GPLD1: variants seen among roughly 807,000 people sequenced by gnomAD.
The protein encoded by GPLD1 is phosphatidylinositol-glycan-specific phospholipase D.
In GPLD1, 84 loss-of-function variants were observed where a neutral mutation model predicts 112.6. The ratio of observed to expected loss-of-function variants is 0.75; its 90% CI spans 0.63 to 0.89. The LOEUF (loss-of-function observed/expected upper bound fraction) is 0.89. Among genes scored for constraint, GPLD1 ranks in the 40% least tolerant of loss-of-function variants. GPLD1 has a pLI of 0.00. For missense variants in GPLD1, 1,044 were observed against 1,051.5 expected (o/e 0.99, Z 0.10); for synonymous variants, 386 against 403.8 (o/e 0.96, Z 0.53).
At chr6:24,431,260 A>C (rs1762396324) in intron 24 of GPLD1, among the ~76,000 whole-genome samples, 1 of 152,178 alleles carries the variant, frequency 6.6e-6, no homozygotes, top group Admixed American at 6.5e-5. Flanking sequence ...CCTGGTCCAC[A>C]GGAACCTGGT....
intron 1 of GPLD1, among the ~76,000 whole-genome samples, chr6:24,488,708 T>C (rs571533548): frequency 4.9e-4 from 74 of 152,366 alleles, no homozygotes; most frequent in African/African-American, 1.6e-3. Flanking sequence ...TCATGTTGTA[T>C]ATCTTAAATT....
At chr6:24,461,917 A>T (rs1763450735) in intron 11 of GPLD1, among the ~76,000 whole-genome samples, 1 of 152,170 alleles carries the variant, frequency 6.6e-6, no homozygotes, top group Non-Finnish European at 1.5e-5. Context: ...TATTTGTAAT[A>T]TTAATAACTT....
chr6:24,451,097 C>T (rs1371914591), intron 14 of GPLD1, among the ~76,000 whole-genome samples: 3 of 152,226 alleles, frequency 2.0e-5, no homozygotes, highest in South Asian at 2.1e-4. Flanking sequence ...AGCACAGCTA[C>T]GGAACATTCC....
chr6:24,449,988 C>T (rs1763028869), intron 14 of GPLD1, 89 bp from the exon 15 acceptor site: 1 of 843,704 alleles, frequency 1.2e-6, no homozygotes, highest in Non-Finnish European at 1.9e-6. Context: ...AGGCCTGGGA[C>T]AACCCCCGCC....
At chr6:24,458,524 C>CA (rs1554131651) in intron 12 of GPLD1, among the ~76,000 whole-genome samples, 2 of 152,172 alleles carry the variant, frequency 1.3e-5, no homozygotes, top group African/African-American at 2.4e-5. Flanking sequence ...CTCCCCGGTC[C>CA]GGACCAGCTA....
At chr6:24,461,545 T>C (rs1476167813) in intron 11 of GPLD1, among the ~76,000 whole-genome samples, 2 of 152,126 alleles carry the variant, frequency 1.3e-5, no homozygotes, top group East Asian at 1.9e-4. Context: ...GAGAGCTCTT[T>C]TGTGCCCAGG....
chr6:24,466,720 T>C lies in GPLD1; in HGVS notation c.781A>G (p.Ile261Val), dbSNP rs561867915. 3.7e-6 allele frequency: 6 copies of C among 1,612,740 alleles called. No homozygotes were observed. In the African/African-American group the frequency reaches 8.0e-5, roughly 21 times the overall value. ...LDDMAFWSTNIYHLTSFMLEN... is the reference protein window; with the variant it reads ...LDDMAFWSTNVYHLTSFMLEN... Reference sequence around the variant, plus strand: ...AACATGAAGCTTGTTAGATGGTAAATATTAGTGGACCAAAATGCCATATCA... The same window carrying C: ...AACATGAAGCTTGTTAGATGGTAAACATTAGTGGACCAAAATGCCATATCA... The change falls in exon 10 of 25, where the codon ATT becomes GTT. Residue 261 changes from isoleucine (I) to valine (V), a missense_variant. Coordinates refer to ENST00000230036, the MANE Select transcript of GPLD1 (RefSeq NM_001503.4).
rs1488928351 is a variant in GPLD1, at chr6:24,447,601, A to G, written c.1678+276T>C. ...AGCACCACTGAGATGCCTCCGGTGC[A>G]AAGCCTCCTCAGTGTTTCTGTTTTA... On this transcript the variant is annotated intron_variant, in intron 17 of 24. Transcript: ENST00000230036. Among the ~76,000 whole-genome samples, 3 of 152,202 alleles carry G rather than the reference A, an allele frequency of 2.0e-5. 1 individual carries two copies. Among genetic ancestry groups the G allele is most frequent in the Admixed American group, 2.0e-4 (3 of 15,280 alleles).
chr6:24,485,294 T>A (rs750452295), intron 2 of GPLD1, among the ~76,000 whole-genome samples: 3 of 152,166 alleles, frequency 2.0e-5, no homozygotes, highest in Non-Finnish European at 4.4e-5. Context: ...TCCCAGTGCT[T>A]TGGGAGGCCA....
intron 3 of GPLD1, among the ~76,000 whole-genome samples, chr6:24,478,032 ATACTT>A (rs1764080561): frequency 6.6e-6 from 1 of 152,244 alleles, no homozygotes; most frequent in South Asian, 2.1e-4. Flanking sequence ...TGCTAGGTAA[ATACTT>A]TACATTCCTT....
At position 24,426,017 on chromosome 6, in the gene GPLD1, A is replaced by G. The variant is rs1762225786; in HGVS notation, c.*3015T>C. On this transcript the variant is annotated 3_prime_UTR_variant, in exon 25 of 25. Transcript: ENST00000230036. ...CTGCAGAGACCCTAGTTTTGTCCCCACTCCATCTTCAAATAATTTTGGTCT... is the reference window on the plus strand; with the variant it reads ...CTGCAGAGACCCTAGTTTTGTCCCCGCTCCATCTTCAAATAATTTTGGTCT... 1 of 152,162 alleles carries G rather than the reference A, an allele frequency of 6.6e-6. No homozygotes were observed. 9.4% of individuals were successfully genotyped at this position (152,162 alleles called of 1,614,324 possible).
intron 2 of GPLD1, among the ~76,000 whole-genome samples, chr6:24,481,495 T>C (rs910976757): frequency 9.9e-5 from 15 of 152,104 alleles, no homozygotes; most frequent in African/African-American, 2.4e-5. Flanking sequence ...TTCTCCTCCT[T>C]CTAGAGGCAG....
intron 7 of GPLD1, among the ~76,000 whole-genome samples, chr6:24,470,785 G>A (rs184858213): frequency 5.9e-4 from 89 of 152,132 alleles, no homozygotes; most frequent in African/African-American, 2.1e-3. Flanking sequence ...TTTTAGTAGA[G>A]ACAGGGTTTA....
chr6:24,453,123 T>C (rs551331219), intron 14 of GPLD1, among the ~76,000 whole-genome samples: 2 of 152,300 alleles, frequency 1.3e-5, no homozygotes, highest in Admixed American at 1.3e-4. Flanking sequence ...CGAGGAACGT[T>C]TGTAGTCACT....
At chr6:24,437,548 C>G (rs1329047791) in intron 20 of GPLD1, among the ~76,000 whole-genome samples, 2 of 151,874 alleles carry the variant, frequency 1.3e-5, no homozygotes, top group Admixed American at 6.6e-5. Flanking sequence ...TCCACACAGC[C>G]ACCTTTTTAT....
At chr6:24,429,540 G>A (rs141029577) in intron 24 of GPLD1, among the ~76,000 whole-genome samples, 325 of 152,242 alleles carry the variant, frequency 2.1e-3, no homozygotes, top group African/African-American at 7.3e-3. Flanking sequence ...CCTGCTGCAA[G>A]TTTTTAAAAC....
intron 1 of GPLD1, 99 bp from the exon 2 acceptor site, chr6:24,486,229 A>G (rs568676363): frequency 2.5e-6 from 2 of 785,662 alleles, no homozygotes; most frequent in Admixed American, 2.1e-5. Flanking sequence ...ATTTGTGGTT[A>G]TAACTGTCAA....
chr6:24,480,093 A>G, intron 2 of GPLD1, 134 bp from the exon 3 acceptor site: 1 of 609,462 alleles, frequency 1.6e-6, no homozygotes, highest in Non-Finnish European at 3.0e-6. Context: ...AAGGAAGGAA[A>G]GCAGGCATAA....
Position 24,454,147 on chromosome 6 carries a change from GC to G in GPLD1, c.1202del (p.Gly401AlafsTer122). On this transcript the variant is annotated frameshift_variant, in exon 14 of 25. Transcript: ENST00000230036. LOFTEE classifies it high-confidence loss of function. Reference sequence around the variant, plus strand: ...GGCCGGGGCGGCTGTAGCCTGGTGCGCCCACCACGAGGTCACCGTGCCCATC... The same window carrying G: ...GGCCGGGGCGGCTGTAGCCTGGTGCGCCACCACGAGGTCACCGTGCCCATC... ...NQDGHGDLVVGAPGYSRPGHI... is the reference protein window; with the variant it reads ...NQDGHGDLVVXAPGYSRPGHI... The G allele has an allele frequency of 6.2e-7, 1 of 1,613,892 alleles. No homozygotes were observed. The highest frequency in any genetic ancestry group is 8.5e-7 in the Non-Finnish European group (1 of 1,179,896).
Sources: gnomAD v4.1 joint callset for allele counts (sites outside exome capture counted in the v4.1 genomes callset) on GRCh38, gnomAD v4.1.1 for gene constraint, MANE v1.5 for transcripts, NCBI Gene and HGNC (gene_info 2026-07-23, HGNC 2026-07-21) for gene names.